BCKDHB: variants seen among roughly 807,000 people sequenced by gnomAD.
The protein encoded by BCKDHB is 2-oxoisovalerate dehydrogenase subunit beta, mitochondrial.
Under a neutral mutation model 48.5 loss-of-function variants are expected in BCKDHB, and 41 were observed. The observed-to-expected ratio is 0.85, with a 90% CI of 0.66 to 1.10. BCKDHB has a LOEUF of 1.10. BCKDHB is among the 50% of genes least tolerant of loss of function. The pLI is 0.00. For synonymous variants in BCKDHB, 201 were observed against 174.8 expected (o/e 1.15, Z -1.18); for missense variants, 496 against 494.2 (o/e 1.00, Z -0.03).
chr6:80,356,805 G>A, the BCKDHB span: 1 of 151,950 alleles, frequency 6.6e-6, no homozygotes, highest in African/African-American at 2.4e-5. Flanking sequence ...TTATCTGTCT[G>A]ATTACTGCAA....
chr6:80,275,691 A>C (rs907012422), intron 9 of BCKDHB, among the ~76,000 whole-genome samples: 1 of 151,954 alleles, frequency 6.6e-6, no homozygotes, highest in African/African-American at 2.4e-5. Flanking sequence ...TTTTTCATTG[A>C]TAATTTTCCC....
intron 1 of BCKDHB, among the ~76,000 whole-genome samples, chr6:80,118,474 T>G (rs1202410818): frequency 6.6e-6 from 1 of 152,022 alleles, no homozygotes; most frequent in Admixed American, 6.6e-5. Context: ...AGCTACTGAC[T>G]GATCAGGGTA....
At chr6:80,237,037 T>A (rs1327899309) in intron 8 of BCKDHB, among the ~76,000 whole-genome samples, 1 of 152,166 alleles carries the variant, frequency 6.6e-6, no homozygotes, top group Non-Finnish European at 1.5e-5. Context: ...TAGAAGACAT[T>A]GTAAACATTT....
chr6:80,207,541 T>C (rs1774724321), intron 8 of BCKDHB, among the ~76,000 whole-genome samples: 1 of 151,764 alleles, frequency 6.6e-6, no homozygotes, highest in African/African-American at 2.4e-5. Flanking sequence ...AGTAATTAAA[T>C]TAAATACAAA....
the BCKDHB span, among the ~76,000 whole-genome samples, chr6:80,375,677 G>A: frequency 6.6e-6 from 1 of 151,982 alleles, no homozygotes; most frequent in African/African-American, 2.4e-5. Context: ...TCTTGGTTTG[G>A]ATCTATTGCT....
At chr6:80,459,244 A>G in the BCKDHB span, among the ~76,000 whole-genome samples, 2 of 152,234 alleles carry the variant, frequency 1.3e-5, no homozygotes, top group African/African-American at 4.8e-5. Flanking sequence ...GTCCATTGAC[A>G]AATGAGTAGA....
chr6:80,277,486 CA>C (rs1778012728), intron 9 of BCKDHB, among the ~76,000 whole-genome samples: 1 of 151,684 alleles, frequency 6.6e-6, no homozygotes, highest in Non-Finnish European at 1.5e-5. Context: ...GATTGTAAAT[CA>C]GCCTTTATTA....
intron 3 of BCKDHB, among the ~76,000 whole-genome samples, chr6:80,148,905 A>G (rs1042273270): frequency 1.1e-4 from 16 of 152,240 alleles, no homozygotes; most frequent in Non-Finnish European, 2.4e-4. Context: ...GGACATAGGC[A>G]TGGACAAGGA....
chr6:80,359,134 C>A, the BCKDHB span, among the ~76,000 whole-genome samples: 1 of 152,236 alleles, frequency 6.6e-6, no homozygotes, highest in Non-Finnish European at 1.5e-5. Flanking sequence ...TAGTTCCCAT[C>A]TTTTGTTCCT....
At chr6:80,415,695 G>C in the BCKDHB span, among the ~76,000 whole-genome samples, 1 of 152,024 alleles carries the variant, frequency 6.6e-6, no homozygotes, top group Non-Finnish European at 1.5e-5. Flanking sequence ...GAGGATTTTT[G>C]CATCAATGTT....
At chr6:80,186,296 C>A (rs147830987) in intron 6 of BCKDHB, among the ~76,000 whole-genome samples, 1 of 152,056 alleles carries the variant, frequency 6.6e-6, no homozygotes, top group Non-Finnish European at 1.5e-5. Flanking sequence ...GGTGATGTTC[C>A]GGGGCATTAC....
chr6:80,253,145 G>T (rs1162266603), intron 8 of BCKDHB, among the ~76,000 whole-genome samples: 1 of 152,188 alleles, frequency 6.6e-6, no homozygotes, highest in Non-Finnish European at 1.5e-5. Context: ...GCCAAGACAG[G>T]CTGCTAGGCT....
chr6:80,235,888 T>A (rs1032095113), intron 8 of BCKDHB, among the ~76,000 whole-genome samples: 3 of 152,326 alleles, frequency 2.0e-5, no homozygotes, highest in Non-Finnish European at 4.4e-5. Flanking sequence ...TGGGAACAAC[T>A]GGTCAGTCAT....
In BCKDHB at chr6:80,249,971, G is replaced by T. The variant is rs76365367; in HGVS notation, c.952-23164G>T. On this transcript the variant is annotated intron_variant, in intron 8 of 9. Transcript: ENST00000320393. ...GCTATTATTTATTCTATTATAGAAT[G>T]TAGATTCTGTGAGGGGAAGGGTTTT... Among the ~76,000 whole-genome samples the T allele has an allele frequency of 9.3e-3, 1,416 of 152,228 alleles. 30 individuals are homozygous for T. Among genetic ancestry groups the T allele is most frequent in the African/African-American group, 0.032 (1,347 of 41,552 alleles).
chr6:80,262,356 G>A (rs1309382687), intron 8 of BCKDHB, among the ~76,000 whole-genome samples: 4 of 151,886 alleles, frequency 2.6e-5, no homozygotes, highest in Admixed American at 2.6e-4. Context: ...TTTTGACCGT[G>A]GTAACACACA....
At chr6:80,256,448 A>G (rs1777055048) in intron 8 of BCKDHB, among the ~76,000 whole-genome samples, 1 of 152,202 alleles carries the variant, frequency 6.6e-6, no homozygotes, top group Non-Finnish European at 1.5e-5. Flanking sequence ...ATATCTAAAC[A>G]TAGAAAAGGT....
intron 9 of BCKDHB, among the ~76,000 whole-genome samples, chr6:80,284,269 A>T (rs896125144): frequency 8.5e-5 from 13 of 152,148 alleles, no homozygotes; most frequent in African/African-American, 3.1e-4. Flanking sequence ...CCTCAATTTG[A>T]AGTTAAACAC....
chr6:80,166,110 G>A (rs1309006827), intron 3 of BCKDHB, among the ~76,000 whole-genome samples: 1 of 152,128 alleles, frequency 6.6e-6, no homozygotes, highest in Non-Finnish European at 1.5e-5. Context: ...TTTCTTTCAA[G>A]AGTCAAGACT....
intron 8 of BCKDHB, among the ~76,000 whole-genome samples, chr6:80,247,525 CT>C (rs1776666066): frequency 6.6e-6 from 1 of 152,190 alleles, no homozygotes; most frequent in African/African-American, 2.4e-5. Context: ...AGAAGGGAAA[CT>C]TTTGATCAAA....
Sources: allele counts gnomAD v4.1 joint callset (sites outside exome capture counted in the v4.1 genomes callset), GRCh38; gene constraint gnomAD v4.1.1; transcripts MANE v1.5; gene names NCBI Gene and HGNC (gene_info 2026-07-23, HGNC 2026-07-21).